RIMS2: variants seen among roughly 807,000 people sequenced by gnomAD.
RIMS2 encodes the protein regulating synaptic membrane exocytosis 2.
Under a neutral mutation model 174.4 loss-of-function variants are expected in RIMS2, and 59 were observed. That is an observed-to-expected ratio of 0.34 (90% CI 0.27 to 0.42). RIMS2 has a LOEUF of 0.42. Among genes scored for constraint, RIMS2 ranks in the 10% least tolerant of loss-of-function variants. RIMS2 has a pLI of 1.00. For missense variants in RIMS2, 1,620 were observed against 1,666.3 expected, an observed-to-expected ratio of 0.97 and a Z score of 0.48; for synonymous variants, 606 against 572.5, an observed-to-expected ratio of 1.06 and a Z score of -0.84.
intron 19 of RIMS2, among the ~76,000 whole-genome samples, chr8:104,061,347 A>G (rs1053259068): frequency 6.6e-6 from 1 of 151,852 alleles, no homozygotes; most frequent in African/African-American, 2.4e-5. Flanking sequence ...GTCTCTTTTG[A>G]TCTTTGTTGG....
At chr8:103,804,428 C>A (rs144447815) in intron 3 of RIMS2, among the ~76,000 whole-genome samples, 2 of 152,202 alleles carry the variant, frequency 1.3e-5, no homozygotes, top group Admixed American at 6.6e-5. Context: ...CCTCCTCTAC[C>A]ACCAACAGAG....
intron 2 of RIMS2, among the ~76,000 whole-genome samples, chr8:103,756,300 T>A (rs2098002880): frequency 6.6e-6 from 1 of 151,904 alleles, no homozygotes; most frequent in Non-Finnish European, 1.5e-5. Context: ...TCTGCCTTGA[T>A]CCCACTGGGA....
intron 13 of RIMS2, among the ~76,000 whole-genome samples, chr8:103,939,644 A>T (rs1031978041): frequency 2.0e-5 from 3 of 152,074 alleles, no homozygotes; most frequent in African/African-American, 7.2e-5. Context: ...AGAAAATGGG[A>T]TTTTCTTTTC....
At chr8:103,789,043 G>C (rs148272756) in intron 3 of RIMS2, among the ~76,000 whole-genome samples, 3 of 152,234 alleles carry the variant, frequency 2.0e-5, no homozygotes, top group African/African-American at 7.2e-5. Flanking sequence ...TCCAGGTGCC[G>C]TCCGTCACCC....
intron 19 of RIMS2, among the ~76,000 whole-genome samples, chr8:104,175,897 T>G (rs1411935648): frequency 6.6e-6 from 1 of 152,160 alleles, no homozygotes; most frequent in Non-Finnish European, 1.5e-5. Context: ...ATTTTTTCTT[T>G]TCCTCAAAGA....
At chr8:103,830,086 A>T (rs1408874179) in intron 3 of RIMS2, among the ~76,000 whole-genome samples, 1 of 151,976 alleles carries the variant, frequency 6.6e-6, no homozygotes, top group African/African-American at 2.4e-5. Context: ...TCTAATAGTG[A>T]TGACTCTTAT....
intron 2 of RIMS2, among the ~76,000 whole-genome samples, chr8:103,731,792 T>C (rs2097599119): frequency 6.6e-6 from 1 of 152,190 alleles, no homozygotes. Flanking sequence ...TCTGCTTGAT[T>C]CTTTTGAATC....
At chr8:103,866,625 C>T (rs529958100) in intron 3 of RIMS2, among the ~76,000 whole-genome samples, 1 of 152,098 alleles carries the variant, frequency 6.6e-6, no homozygotes, top group Non-Finnish European at 1.5e-5. Context: ...GATCCATCAT[C>T]TGTCAAAGAT....
intron 19 of RIMS2, among the ~76,000 whole-genome samples, chr8:104,084,459 A>AAAAAAATC (rs2097498630): frequency 6.6e-6 from 1 of 151,036 alleles, no homozygotes; most frequent in East Asian, 1.9e-4. Flanking sequence ...AAAAAAAACT[A>AAAAAAATC]AAGTAGAATA....
intron 3 of RIMS2, among the ~76,000 whole-genome samples, chr8:103,808,236 A>G (rs2098663478): frequency 6.6e-6 from 1 of 151,982 alleles, no homozygotes; most frequent in South Asian, 2.1e-4. Flanking sequence ...ACTGTCTTTT[A>G]TTGTCTTCCG....
chr8:104,241,307 ACTT>A (rs1372580217), intron 19 of RIMS2, among the ~76,000 whole-genome samples: 1 of 152,134 alleles, frequency 6.6e-6, no homozygotes, highest in Non-Finnish European at 1.5e-5. Context: ...AATTATGTAA[ACTT>A]CTGGGGCCCT....
At chr8:104,045,020 G>C (rs929741890) in intron 19 of RIMS2, among the ~76,000 whole-genome samples, 1 of 151,654 alleles carries the variant, frequency 6.6e-6, no homozygotes, top group African/African-American at 2.4e-5. Context: ...TAAAGTTAAG[G>C]CTTTTCAAAA....
At chr8:103,532,890 G>T (rs964532462) in intron 1 of RIMS2, among the ~76,000 whole-genome samples, 2 of 152,136 alleles carry the variant, frequency 1.3e-5, no homozygotes, top group East Asian at 3.8e-4. Flanking sequence ...AGGGAAAATG[G>T]ACTTCAAATG....
chr8:104,026,616 A>T (rs2096263553), intron 19 of RIMS2, among the ~76,000 whole-genome samples: 1 of 137,780 alleles, frequency 7.3e-6, no homozygotes. Context: ...TAACCTTATA[A>T]ATAAGAAAGA....
intron 19 of RIMS2, among the ~76,000 whole-genome samples, chr8:104,140,393 T>C (rs1043578371): frequency 6.6e-6 from 1 of 152,118 alleles, no homozygotes; most frequent in African/African-American, 2.4e-5. Context: ...ACTTATAACT[T>C]TTGCTAATTT....
In RIMS2 at chr8:103,989,831, A is replaced by G. The variant is rs1282640463; in HGVS notation, c.3044+410A>G. The stretch of plus-strand genomic sequence containing the variant: ...TACATTCATCAGAGAAATTGGTGTG[A>G]CTTTTCACATATGGAAGTATTGAGA... On this transcript the variant is annotated intron_variant, in intron 17 of 23. Transcript: ENST00000504942. Among the ~76,000 whole-genome samples, 7 of 152,342 alleles carry G rather than the reference A, an allele frequency of 4.6e-5. No individual in the cohort carries two copies. The East Asian group carries it at 1.2e-3, about 25-fold the overall frequency.
At chr8:103,893,287 A>G (rs1043451315) in intron 4 of RIMS2, among the ~76,000 whole-genome samples, 19 of 152,230 alleles carry the variant, frequency 1.2e-4, no homozygotes, top group African/African-American at 4.6e-4. Context: ...ATTTAACTGC[A>G]TATATGGTAG....
intron 14 of RIMS2, among the ~76,000 whole-genome samples, chr8:103,954,336 G>A (rs2086425353): frequency 6.6e-6 from 1 of 152,062 alleles, no homozygotes; most frequent in Non-Finnish European, 1.5e-5. Flanking sequence ...TTCTAAAATT[G>A]ACCACCTAAT....
chr8:104,208,334 G>A (rs553370877), intron 19 of RIMS2, among the ~76,000 whole-genome samples: 7 of 151,880 alleles, frequency 4.6e-5, no homozygotes, highest in East Asian at 1.9e-4. Flanking sequence ...TTGGGAGGCC[G>A]AGGGGGGCAG....
Sources: gnomAD v4.1 joint callset for allele counts (sites outside exome capture counted in the v4.1 genomes callset) on GRCh38, gnomAD v4.1.1 for gene constraint, MANE v1.5 for transcripts, NCBI Gene and HGNC (gene_info 2026-07-23, HGNC 2026-07-21) for gene names.